Variants in SLC30A9 observed in about 807,000 individuals in gnomAD.
The protein encoded by SLC30A9 is solute carrier family 30 member 9, also known as proton-coupled zinc antiporter SLC30A9, mitochondrial.
Under a neutral mutation model 87.5 loss-of-function variants are expected in SLC30A9, and 58 were observed. The ratio of observed to expected loss-of-function variants is 0.66; its 90% CI spans 0.54 to 0.82. The LOEUF (loss-of-function observed/expected upper bound fraction) is 0.82, where lower values mean the gene tolerates loss of function less well. Ranked by LOEUF, SLC30A9 falls within the 40% of genes least tolerant of loss-of-function variation. The pLI, the probability that SLC30A9 is intolerant of heterozygous loss-of-function variation, is 0.00. For synonymous variants in SLC30A9, 234 were observed against 233.0 expected (o/e 1.00, Z -0.04); for missense variants, 557 against 679.1 (o/e 0.82, Z 2.00).
intron 4 of SLC30A9, among the ~76,000 whole-genome samples, chr4:42,021,653 A>C (rs2153135381): frequency 1.3e-5 from 2 of 152,328 alleles, no homozygotes; most frequent in East Asian, 3.9e-4. Context: ...ACTTAGTATT[A>C]ATCTACATAT....
intron 2 of SLC30A9, among the ~76,000 whole-genome samples, chr4:42,015,164 C>CCCCATAAATGTTTAATGTGTA (rs1715659783): frequency 2.6e-5 from 4 of 151,842 alleles, no homozygotes; most frequent in Non-Finnish European, 5.9e-5. Context: ...ACCTCATGTA[C>CCCCATAAATGTTTAATGTGTA]CCCATAAATG....
At chr4:42,054,231 G>A (rs1431032701) in intron 9 of SLC30A9, among the ~76,000 whole-genome samples, 1 of 152,014 alleles carries the variant, frequency 6.6e-6, no homozygotes, top group Admixed American at 6.5e-5. Context: ...GGTGGTACAT[G>A]CCTGTAATCC....
intron 11 of SLC30A9, among the ~76,000 whole-genome samples, 191 bp downstream of exon 11, chr4:42,063,312 A>G (rs1042263280): frequency 6.6e-6 from 1 of 152,200 alleles, no homozygotes; most frequent in Admixed American, 6.5e-5. Context: ...ATAAGATTCA[A>G]TGATGTTGAA....
chr4:41,990,862 C>G (rs1714403478), intron 1 of SLC30A9, 102 bp downstream of exon 1: 1 of 825,252 alleles, frequency 1.2e-6, no homozygotes, highest in Non-Finnish European at 2.0e-6. Context: ...TGCCTTTCGC[C>G]AACCTCAGAA....
chr4:42,029,326 A>G lies in SLC30A9; in HGVS notation c.610+5942A>G, dbSNP rs111354735. The G allele has an allele frequency of 5.5e-4, 291 of 532,802 alleles. 2 individuals carry two copies. The highest frequency in any genetic ancestry group is 5.3e-3 in the African/African-American group (275 of 51,924). 33.0% of individuals were successfully genotyped at this position (532,802 alleles called of 1,614,324 possible). ...TTGGTTTAAGATCATTCTATTCTAC[A>G]TAATATTTTATGGCTGCCTGACTGG... is the stretch of plus-strand genomic sequence containing the variant. On this transcript the variant is annotated intron_variant, in intron 6 of 17. Transcript: ENST00000264451.
In SLC30A9 at chr4:42,007,999, T is replaced by A. The variant is rs1265956540; in HGVS notation, c.274+6219T>A. Reference sequence around the variant, plus strand: ...TAGAACAAAGCCAAGACTGCTAGAATAAAATTAAAATTTACTATTCTGACT... The same window carrying A: ...TAGAACAAAGCCAAGACTGCTAGAAAAAAATTAAAATTTACTATTCTGACT... On this transcript the variant is annotated intron_variant, in intron 2 of 17. Transcript: ENST00000264451. Among the ~76,000 whole-genome samples the A allele has an allele frequency of 2.0e-5, 3 of 152,340 alleles. No homozygotes were observed. The East Asian group carries it at 5.8e-4, about 29-fold the overall frequency.
chr4:42,022,700 C>T (rs1487246032), intron 4 of SLC30A9, 138 bp from the exon 5 acceptor site: 2 of 471,874 alleles, frequency 4.2e-6, no homozygotes, highest in East Asian at 3.1e-5. Context: ...TTAAACTGAT[C>T]TTTAAAAGCC....
intron 17 of SLC30A9, among the ~76,000 whole-genome samples, chr4:42,080,666 GTTAATGCCCCCAGATAAACAAAGACACTC>G (rs948204724): frequency 1.3e-5 from 2 of 152,168 alleles, no homozygotes; most frequent in African/African-American, 4.8e-5. Context: ...ACATTCTAAA[GTTAATGCCCCCAGATAAACAAAGACACTC>G]TTAGGCAGGA....
chr4:42,070,823 C>A, intron 15 of SLC30A9, 132 bp downstream of exon 15: 1 of 608,286 alleles, frequency 1.6e-6, no homozygotes, highest in Non-Finnish European at 2.6e-6. Context: ...TGTAACTTTT[C>A]AGAATTATAA....
At chr4:42,058,208 C>T (rs1227969982) in intron 9 of SLC30A9, among the ~76,000 whole-genome samples, 2 of 152,036 alleles carry the variant, frequency 1.3e-5, no homozygotes, top group African/African-American at 4.8e-5. Context: ...AATCATCTCT[C>T]TCAAGTTCAA....
chr4:42,022,202 T>C (rs1715991682), intron 4 of SLC30A9, among the ~76,000 whole-genome samples: 1 of 151,748 alleles, frequency 6.6e-6, no homozygotes, highest in African/African-American at 2.4e-5. Flanking sequence ...CCCAAAGTGC[T>C]GGGATTACAG....
Position 42,057,731 on chromosome 4 carries a change from C to T in SLC30A9, c.841-2460C>T, listed in dbSNP as rs185831074. Among the ~76,000 whole-genome samples the T allele has an allele frequency of 5.1e-4, 77 of 152,314 alleles. 1 individual carries two copies. The highest frequency in any genetic ancestry group is 1.7e-3 in the African/African-American group (70 of 41,566). ...TCTGCAGCTGGCTTGAATTTCTCCT[C>T]AGAAAATGGAATTTTCTTTTCTATT... is the stretch of plus-strand genomic sequence containing the variant. On this transcript the variant is annotated intron_variant, in intron 9 of 17. Transcript: ENST00000264451.
chr4:41,996,942 G>A (rs573571900), intron 1 of SLC30A9, among the ~76,000 whole-genome samples: 1 of 152,152 alleles, frequency 6.6e-6, no homozygotes, highest in South Asian at 2.1e-4. Context: ...GCTGAGGCAG[G>A]AGAATCACTT....
chr4:42,015,080 G>A (rs934479036), intron 2 of SLC30A9, among the ~76,000 whole-genome samples: 7 of 151,974 alleles, frequency 4.6e-5, no homozygotes, highest in African/African-American at 1.5e-4. Flanking sequence ...TAACACAAAC[G>A]ATAAATATTT....
At chr4:42,060,322 C>T (rs893245635) in intron 10 of SLC30A9, 76 bp downstream of exon 10, 1 of 1,154,060 alleles carries the variant, frequency 8.7e-7, no homozygotes, top group African/African-American at 1.5e-5. Flanking sequence ...CAGAAATCTC[C>T]TGCAATTTAT....
chr4:42,005,309 A>C (rs1212881046), intron 2 of SLC30A9, among the ~76,000 whole-genome samples: 1 of 152,146 alleles, frequency 6.6e-6, no homozygotes, highest in South Asian at 2.1e-4. Context: ...CATTATTGGG[A>C]CCACATTAAA....
intron 6 of SLC30A9, chr4:42,029,833 C>A: frequency 1.4e-6 from 1 of 722,214 alleles, no homozygotes; most frequent in Non-Finnish European, 2.6e-6. Context: ...TATAACGCAT[C>A]TGTGTTTCCT....
intron 16 of SLC30A9, 90 bp from the exon 17 acceptor site, chr4:42,078,122 T>G: frequency 5.0e-6 from 3 of 605,618 alleles, no homozygotes; most frequent in Non-Finnish European, 8.7e-6. Context: ...TTAATGGCGT[T>G]TGTTATAGGT....
At chr4:42,030,165 A>C in intron 6 of SLC30A9, 1 of 735,950 alleles carries the variant, frequency 1.4e-6, no homozygotes, top group Non-Finnish European at 1.9e-6. Context: ...TAATAAGTTT[A>C]AAAAAAGATA....
Sources: gnomAD v4.1 joint callset for allele counts (sites outside exome capture counted in the v4.1 genomes callset) on GRCh38, gnomAD v4.1.1 for gene constraint, MANE v1.5 for transcripts, NCBI Gene and HGNC (gene_info 2026-07-23, HGNC 2026-07-21) for gene names.